CTNNA2: variants seen among roughly 807,000 people sequenced by gnomAD.
CTNNA2 encodes catenin alpha-2.
In CTNNA2, 42 loss-of-function variants were observed where a neutral mutation model predicts 101.0. The observed-to-expected ratio is 0.42, with a 90% confidence interval of 0.32 to 0.54. The LOEUF (loss-of-function observed/expected upper bound fraction) is 0.54. CTNNA2 is among the 20% of genes least tolerant of loss of function. The pLI, the probability that CTNNA2 is intolerant of heterozygous loss-of-function variation, is 0.14. For synonymous variants in CTNNA2, 450 were observed against 456.4 expected (o/e 0.99, Z 0.18); for missense variants, 871 against 1,223.1 (o/e 0.71, Z 4.29).
At chr2:79,210,482 C>A (rs1674157494) in intron 2 of CTNNA2, among the ~76,000 whole-genome samples, 1 of 152,048 alleles carries the variant, frequency 6.6e-6, no homozygotes, top group African/African-American at 2.4e-5. Context: ...CACCCACACA[C>A]AGTGTGTGTG....
chr2:80,371,975 C>G (rs1675483126), intron 7 of CTNNA2, among the ~76,000 whole-genome samples: 1 of 152,096 alleles, frequency 6.6e-6, no homozygotes, highest in Non-Finnish European at 1.5e-5. Flanking sequence ...TTTTCAGCTC[C>G]AGACTTAATT....
At chr2:80,143,886 T>C (rs1703167438) in intron 7 of CTNNA2, among the ~76,000 whole-genome samples, 1 of 152,152 alleles carries the variant, frequency 6.6e-6, no homozygotes. Context: ...TTTGCTTTGA[T>C]GGAGAGAATT....
At chr2:79,772,618 G>A (rs79011786) in intron 3 of CTNNA2, among the ~76,000 whole-genome samples, 17,572 of 152,120 alleles carry the variant, frequency 0.12, 1,118 homozygotes, top group Admixed American at 0.17. Context: ...TGTTGCCCGG[G>A]CTGGAGTGTG....
At chr2:80,161,298 G>A (rs906375652) in intron 7 of CTNNA2, among the ~76,000 whole-genome samples, 2 of 152,116 alleles carry the variant, frequency 1.3e-5, no homozygotes, top group Non-Finnish European at 2.9e-5. Context: ...TTACAGGCGT[G>A]AGCCCCCATG....
At chr2:79,636,985 A>G (rs1680118347) in intron 1 of CTNNA2, 1 of 152,136 alleles carries the variant, frequency 6.6e-6, no homozygotes, top group African/African-American at 2.4e-5. Flanking sequence ...TGAATTAAGT[A>G]ACTAGAAGAT....
At chr2:79,543,823 T>G (rs915254873) in intron 1 of CTNNA2, among the ~76,000 whole-genome samples, 1 of 152,194 alleles carries the variant, frequency 6.6e-6, no homozygotes, top group Non-Finnish European at 1.5e-5. Flanking sequence ...TTTGAAAATA[T>G]TAAAGAATAA....
intron 2 of CTNNA2, among the ~76,000 whole-genome samples, chr2:79,280,337 T>A (rs1675330209): frequency 6.6e-6 from 1 of 151,978 alleles, no homozygotes; most frequent in Non-Finnish European, 1.5e-5. Context: ...GGGATGGAGT[T>A]TGGGAAGCTT....
intron 3 of CTNNA2, among the ~76,000 whole-genome samples, chr2:79,757,978 A>G (rs768941543): frequency 2.6e-5 from 4 of 152,156 alleles, no homozygotes; most frequent in Admixed American, 6.5e-5. Context: ...TCTTGCTACA[A>G]CTGGACAACA....
intron 1 of CTNNA2, among the ~76,000 whole-genome samples, chr2:79,516,130 G>A (rs962283415): frequency 2.0e-5 from 3 of 152,144 alleles, no homozygotes; most frequent in Non-Finnish European, 4.4e-5. Flanking sequence ...ATGTCCTTGT[G>A]TACAATTTAA....
At chr2:80,089,899 C>G (rs754003319) in intron 7 of CTNNA2, among the ~76,000 whole-genome samples, 1 of 151,984 alleles carries the variant, frequency 6.6e-6, no homozygotes, top group South Asian at 2.1e-4. Flanking sequence ...AGCTGGAGGA[C>G]TTTCATTTCC....
Position 80,231,861 on chromosome 2 carries a change from G to GT in CTNNA2, c.1057-161342dup, listed in dbSNP as rs201960960. On this transcript the variant is annotated intron_variant, in intron 7 of 18. Coordinates refer to ENST00000402739, the MANE Select transcript of CTNNA2 (RefSeq NM_001282597.3). ...TGTAGAGAATCTCCTTCCCTTACTA[G>GT]TTTTTTTTCCAGAGAGTCTGGCACC... is the stretch of plus-strand genomic sequence containing the variant. 4.0e-3 allele frequency among the ~76,000 whole-genome samples: 614 copies of GT among 152,068 alleles called. 3 individuals are homozygous for GT. The highest frequency in any genetic ancestry group is 0.014 in the Middle Eastern group (4 of 294).
intron 4 of CTNNA2, among the ~76,000 whole-genome samples, chr2:79,398,731 A>G (rs1261643398): frequency 6.6e-6 from 1 of 152,030 alleles, no homozygotes; most frequent in East Asian, 1.9e-4. Context: ...CTACCCTTCC[A>G]TAACAATAAC....
chr2:79,819,388 C>G (rs1677832597), intron 3 of CTNNA2, among the ~76,000 whole-genome samples: 1 of 152,174 alleles, frequency 6.6e-6, no homozygotes, highest in South Asian at 2.1e-4. Flanking sequence ...GGGCTTACTT[C>G]TGTCTCTTCT....
chr2:80,225,875 C>T (rs951135537), intron 7 of CTNNA2, among the ~76,000 whole-genome samples: 4 of 152,098 alleles, frequency 2.6e-5, no homozygotes, highest in African/African-American at 9.7e-5. Context: ...TAGTGTTTAT[C>T]TGATGGTGGA....
rs1312182209 is a variant in CTNNA2 at position 80,306,394 on chromosome 2, CT to C, written c.1057-86813del. ...TTCTTTCTTTCTTTTCTTTTCTTTT[CT>C]TTTCTTTTCTTTCTTTCTTTCTTTC... is the stretch of plus-strand genomic sequence containing the variant. On this transcript the variant is annotated intron_variant, in intron 7 of 18. Coordinates refer to ENST00000402739, the MANE Select transcript of CTNNA2 (RefSeq NM_001282597.3). Among the ~76,000 whole-genome samples, 302 of 129,296 alleles carry C rather than the reference CT, an allele frequency of 2.3e-3. 3 individuals carry two copies. The highest frequency in any genetic ancestry group is 9.5e-3 in the African/African-American group (274 of 28,740). 84.8% of individuals were successfully genotyped at this position (129,296 alleles called of 152,430 possible).
chr2:79,475,863 A>G (rs914881513), intron 4 of CTNNA2, among the ~76,000 whole-genome samples: 7 of 152,286 alleles, frequency 4.6e-5, no homozygotes, highest in African/African-American at 1.4e-4. Context: ...ATGCTGAAGT[A>G]CAGAAAAGAA....
chr2:79,356,387 C>T (rs1276747598), intron 3 of CTNNA2, among the ~76,000 whole-genome samples: 1 of 151,962 alleles, frequency 6.6e-6, no homozygotes, highest in Non-Finnish European at 1.5e-5. Context: ...AATATTTCTT[C>T]CATTTTGTAG....
intron 7 of CTNNA2, among the ~76,000 whole-genome samples, chr2:80,091,669 A>G (rs1699802189): frequency 6.6e-6 from 1 of 152,090 alleles, no homozygotes; most frequent in Admixed American, 6.6e-5. Flanking sequence ...AGGAAATGCC[A>G]GAAGAGCAAG....
intron 1 of CTNNA2, among the ~76,000 whole-genome samples, chr2:79,197,497 G>T (rs1673976810): frequency 6.6e-6 from 1 of 151,072 alleles, no homozygotes; most frequent in Non-Finnish European, 1.5e-5. Flanking sequence ...TTCAGTGCTT[G>T]TTGCTGCTGA....
Sources: allele counts gnomAD v4.1 joint callset (sites outside exome capture counted in the v4.1 genomes callset), GRCh38; gene constraint gnomAD v4.1.1; transcripts MANE v1.5; gene names NCBI Gene and HGNC (gene_info 2026-07-23, HGNC 2026-07-21).